The following DPPA2 variants were observed in gnomAD, a reference collection of about 807,000 sequenced individuals.
DPPA2 encodes developmental pluripotency associated 2, also known as developmental pluripotency-associated protein 2.
A neutral mutation model predicts 36.2 loss-of-function variants in DPPA2; 26 were observed. The ratio of observed to expected loss-of-function variants is 0.72; its 90% CI spans 0.53 to 1.00. The LOEUF is 1.00. Among genes scored for constraint, DPPA2 ranks in the 50% least tolerant of loss-of-function variants. The pLI is 0.00. For missense variants in DPPA2, 361 were observed against 365.1 expected (o/e 0.99, Z 0.09); for synonymous variants, 113 against 123.2 (o/e 0.92, Z 0.55).
chr3:109,308,344 G>A (rs1395817858), intron 5 of DPPA2, 51 bp from the exon 6 acceptor site: 3 of 1,565,724 alleles, frequency 1.9e-6, no homozygotes, highest in Non-Finnish European at 2.6e-6. Flanking sequence ...GGGCTGTAAG[G>A]ACTTTTGGGT....
Position 109,300,939 on chromosome 3 carries a change from C to T in DPPA2, c.855-504G>A, listed in dbSNP as rs975012048. 2.6e-5 allele frequency among the ~76,000 whole-genome samples: 4 copies of T among 151,018 alleles called. No homozygotes were observed. In the East Asian group the frequency reaches 7.7e-4, roughly 29 times the overall value. ...CTAAATAAAGGAAAAGGGTTGTTCA[C>T]TTACTCTCAGGGCTTACATTCCACA... On this transcript the variant is annotated intron_variant, in intron 7 of 8. Coordinates refer to ENST00000478945, the MANE Select transcript of DPPA2 (RefSeq NM_138815.4).
At chr3:109,304,894 C>T (rs1707526934) in intron 6 of DPPA2, among the ~76,000 whole-genome samples, 4 of 152,178 alleles carry the variant, frequency 2.6e-5, no homozygotes, top group Admixed American at 2.6e-4. Context: ...CGCCTGTAAT[C>T]CCAGCACTTT....
intron 8 of DPPA2, 35 bp downstream of exon 8, chr3:109,300,336 T>C: frequency 6.6e-7 from 1 of 1,511,076 alleles, no homozygotes; most frequent in Non-Finnish European, 9.2e-7. Context: ...ATCAAAATAA[T>C]ACTTATTTTG....
chr3:109,297,155 G>A (rs1048950605), intron 8 of DPPA2, among the ~76,000 whole-genome samples: 3 of 152,076 alleles, frequency 2.0e-5, no homozygotes, highest in African/African-American at 7.2e-5. Flanking sequence ...CCACACCAAA[G>A]AAGATACACA....
chr3:109,309,902 T>G (rs970752397), intron 3 of DPPA2, among the ~76,000 whole-genome samples: 4 of 151,528 alleles, frequency 2.6e-5, no homozygotes, highest in Non-Finnish European at 5.9e-5. Flanking sequence ...GCCAACATGG[T>G]AAAACCCCGT....
intron 7 of DPPA2, among the ~76,000 whole-genome samples, chr3:109,303,370 C>T (rs1707493161): frequency 6.6e-6 from 1 of 150,724 alleles, no homozygotes; most frequent in South Asian, 2.1e-4. Flanking sequence ...GCTTTTCTTA[C>T]TCTTTTTTTT....
intron 7 of DPPA2, among the ~76,000 whole-genome samples, chr3:109,303,465 G>C (rs1188787732): frequency 6.6e-6 from 1 of 151,666 alleles, no homozygotes; most frequent in East Asian, 1.9e-4. Flanking sequence ...CTGCCTCCCG[G>C]GTTCAGCGAT....
intron 7 of DPPA2, among the ~76,000 whole-genome samples, chr3:109,302,303 A>G (rs1472132802): frequency 6.6e-6 from 1 of 152,084 alleles, no homozygotes; most frequent in Non-Finnish European, 1.5e-5. Flanking sequence ...TGTTTCCTCC[A>G]CTTCTAAGAC....
chr3:109,314,572 C>G lies in DPPA2; in HGVS notation c.-13-17G>C. ...AGCAACACCCTGGGGAAGGCAAGGACAGCAATGTTAAGGATATGGTAGTTT... is the reference window on the plus strand; with the variant it reads ...AGCAACACCCTGGGGAAGGCAAGGAGAGCAATGTTAAGGATATGGTAGTTT... On this transcript the variant is annotated splice_polypyrimidine_tract_variant and intron_variant, in intron 1 of 8. Coordinates refer to ENST00000478945, the MANE Select transcript of DPPA2 (RefSeq NM_138815.4). 6.2e-7 allele frequency: 1 copy of G among 1,607,090 alleles called. No individual in the cohort carries two copies.
At chr3:109,308,325 A>G (rs1707618038) in intron 5 of DPPA2, 32 bp from the exon 6 acceptor site, 1 of 1,610,220 alleles carries the variant, frequency 6.2e-7, no homozygotes, top group Admixed American at 1.7e-5. Context: ...AGTATTCAGT[A>G]AACCGCTAGG....
chr3:109,305,925 T>C (rs149449750), intron 6 of DPPA2, among the ~76,000 whole-genome samples: 35 of 152,188 alleles, frequency 2.3e-4, no homozygotes, highest in African/African-American at 8.2e-4. Flanking sequence ...ACCACTACAT[T>C]GTACTGCCTC....
chr3:109,302,683 ACCTC>A (rs1384578672), intron 7 of DPPA2, among the ~76,000 whole-genome samples: 1 of 138,184 alleles, frequency 7.2e-6, no homozygotes, highest in East Asian at 2.1e-4. Flanking sequence ...CAAACTCCTG[ACCTC>A]GTGATCCGCC....
rs1460646242 is a variant in DPPA2 at position 109,304,597 on chromosome 3, A to G, written c.732T>C (p.His244=). ...DTKGWVRLQF[H]AGQAWVPTTH... ...TGGTAGGCACCCAGGCCTGACCTGC[A>G]TGAAACTGCAGGCGTACCCAACCCT... is the stretch of plus-strand genomic sequence containing the variant. The change falls in exon 7 of 9, where the codon CAT becomes CAC. Residue 244 remains histidine (H), a synonymous_variant. Transcript: ENST00000478945. 6.2e-7 allele frequency: 1 copy of G among 1,614,008 alleles called. No individual in the cohort carries two copies. Among genetic ancestry groups the G allele is most frequent in the Non-Finnish European group, 8.5e-7 (1 of 1,180,022 alleles).
At chr3:109,304,749 T>C in intron 6 of DPPA2, 79 bp from the exon 7 acceptor site, 1 of 1,420,376 alleles carries the variant, frequency 7.0e-7, no homozygotes, top group South Asian at 1.4e-5. Flanking sequence ...CACTCTTGAA[T>C]TTGCTCTTGT....
intron 1 of DPPA2, among the ~76,000 whole-genome samples, chr3:109,315,862 C>T (rs1707776667): frequency 6.6e-6 from 1 of 151,594 alleles, no homozygotes; most frequent in Admixed American, 6.6e-5. Context: ...GACCTCATCT[C>T]TATGAATAAA....
At chr3:109,314,599 C>A (rs1707760167) in intron 1 of DPPA2, 44 bp from the exon 2 acceptor site, 2 of 1,554,842 alleles carry the variant, frequency 1.3e-6, no homozygotes, top group South Asian at 1.2e-5. Context: ...TGGTAGTTTA[C>A]TTCTCTTAAC....
intron 3 of DPPA2, among the ~76,000 whole-genome samples, chr3:109,311,132 G>A (rs540093131): frequency 7.9e-5 from 12 of 152,166 alleles, no homozygotes; most frequent in East Asian, 3.9e-4. Flanking sequence ...TAAAATCCAC[G>A]TTTCTTTTAT....
At chr3:109,314,073 G>A (rs1576825839) in intron 2 of DPPA2, among the ~76,000 whole-genome samples, 1 of 151,738 alleles carries the variant, frequency 6.6e-6, no homozygotes, top group Non-Finnish European at 1.5e-5. Context: ...TAACCAATTG[G>A]TCACTTTACT....
intron 6 of DPPA2, among the ~76,000 whole-genome samples, chr3:109,305,688 C>T (rs1253475046): frequency 2.0e-5 from 3 of 151,152 alleles, no homozygotes; most frequent in African/African-American, 4.9e-5. Flanking sequence ...GCAGGAGAAT[C>T]GCCTGAACCT....
Sources: allele counts gnomAD v4.1 joint callset (sites outside exome capture counted in the v4.1 genomes callset), GRCh38; gene constraint gnomAD v4.1.1; transcripts MANE v1.5; gene names NCBI Gene and HGNC (gene_info 2026-07-23, HGNC 2026-07-21).